PTPRB: variants seen among roughly 807,000 people sequenced by gnomAD.
The protein encoded by PTPRB is receptor-type tyrosine-protein phosphatase beta.
In PTPRB, 97 loss-of-function variants were observed where a neutral mutation model predicts 238.1. The observed-to-expected ratio is 0.41, with a 90% CI of 0.35 to 0.48. PTPRB has a LOEUF of 0.48. PTPRB is among the 20% of genes least tolerant of loss of function. The probability of loss-of-function intolerance (pLI) is 0.30; values close to 1 mark genes in which losing one functional copy is unlikely to be tolerated. For synonymous variants in PTPRB, 970 were observed against 995.4 expected (o/e 0.97, Z 0.48); for missense variants, 2,292 against 2,681.9 (o/e 0.85, Z 3.21).
Position 70,590,162 on chromosome 12 carries a change from G to A in PTPRB, c.1852C>T (p.Pro618Ser), listed in dbSNP as rs369693928. ...TACTGCTCCCAGTCTCCAGCAGGGGGCGACCAGCTCACTACAAGAGACCTC... is the reference window on the plus strand; with the variant it reads ...TACTGCTCCCAGTCTCCAGCAGGGGACGACCAGCTCACTACAAGAGACCTC... ...RMRSLVVSWS[P>S]PAGDWEQYRI... The change falls in exon 8 of 34, where the codon CCC becomes TCC. Residue 618 changes from proline to serine, a missense_variant. By Grantham distance (74) the Pro-to-Ser change is moderately conservative (BLOSUM62 -1). This residue lies in a region of PTPRB where 1,205 missense variants were observed against 1,287.8 expected (regional missense o/e 0.94). Transcript: ENST00000334414. The A allele has an allele frequency of 5.0e-6, 8 of 1,612,492 alleles. No individual in the cohort carries two copies. The African/African-American group carries it at 1.1e-4, about 22-fold the overall frequency.
Position 70,559,416 on chromosome 12 carries a change from T to C in PTPRB, c.4641A>G (p.Gln1547=). The C allele has an allele frequency of 6.2e-7, 1 of 1,613,974 alleles. No individual in the cohort carries two copies. The highest frequency in any genetic ancestry group is 1.1e-5 in the South Asian group (1 of 91,086). Reference sequence around the variant, plus strand: ...CACCACTGACAGTCTTGACGTTGAATTGATAGGATCTCCCTGGACGAAGAC... The same window carrying C: ...CACCACTGACAGTCTTGACGTTGAACTGATAGGATCTCCCTGGACGAAGAC... The part of the protein sequence containing the change: ...VYGLRPGRSY[Q]FNVKTVSGDS... The change falls in exon 18 of 34, where the codon CAA becomes CAG. Residue 1547 remains glutamine (Q), a synonymous_variant. Transcript: ENST00000334414.
chr12:70,594,803 C>T, intron 5 of PTPRB, 79 bp from the exon 6 acceptor site: 1 of 1,511,938 alleles, frequency 6.6e-7, no homozygotes, highest in South Asian at 1.2e-5. Flanking sequence ...TTAGAAGTCA[C>T]ATATTCATTT....
rs570590380 is a variant in PTPRB, at chr12:70,569,811, C to T, written c.3498G>A (p.Lys1166=). The T allele has an allele frequency of 1.2e-6, 2 of 1,613,962 alleles. No individual in the cohort carries two copies. Among genetic ancestry groups the T allele is most frequent in the East Asian group, 2.2e-5 (1 of 44,874 alleles). Residue 1166 remains lysine (K), a synonymous_variant, in exon 14 of 34, where the codon AAG becomes AAA. Transcript: ENST00000334414. ...GCTTGGGAATAGTCTGAGAGTCAAC[C>T]TTTTGACTGTGCCTGAATGCCGACA... The part of the protein sequence containing the change: ...YTVSAFRHSQ[K]VDSQTIPKHV...
intron 15 of PTPRB, among the ~76,000 whole-genome samples, chr12:70,564,518 CAAAAA>C (rs547350945): frequency 3.8e-5 from 4 of 105,996 alleles, no homozygotes; most frequent in Non-Finnish European, 5.7e-5. Flanking sequence ...GACTCCATCT[CAAAAA>C]AAAAAAAAAA....
intron 2 of PTPRB, among the ~76,000 whole-genome samples, chr12:70,624,407 T>G (rs1885082453): frequency 1.3e-5 from 2 of 152,188 alleles, no homozygotes; most frequent in Admixed American, 1.3e-4. Context: ...TTCTGAATCC[T>G]GTGCCGCTAT....
Position 70,587,064 on chromosome 12 carries a change from T to G in PTPRB, c.2254A>C (p.Thr752Pro). Residue 752 changes from threonine (T) to proline (P), a missense_variant, in exon 9 of 34, where the codon ACA becomes CCA. Around this residue, in one of 4 missense-constraint regions of PTPRB, gnomAD observed 1,205 missense variants for 1,287.8 expected, o/e 0.94. Coordinates refer to ENST00000334414, the MANE Select transcript of PTPRB (RefSeq NM_001109754.4). ...DLVPGRKYMA[T>P]VTSISGDLKN... Reference sequence around the variant, plus strand: ...AAGTCTCCACTAATACTGGTGACTGTAGCCATGTATTTTCGTCCAGGCACC... The same window carrying G: ...AAGTCTCCACTAATACTGGTGACTGGAGCCATGTATTTTCGTCCAGGCACC... 1 of 1,613,742 alleles carries G rather than the reference T, an allele frequency of 6.2e-7. No homozygotes were observed. Among genetic ancestry groups the G allele is most frequent in the Non-Finnish European group, 8.5e-7 (1 of 1,179,586 alleles).
chr12:70,558,384 TAAAA>T (rs1878012749), intron 18 of PTPRB, among the ~76,000 whole-genome samples: 2 of 152,216 alleles, frequency 1.3e-5, no homozygotes, highest in South Asian at 4.1e-4. Flanking sequence ...ATTAAAAAAA[TAAAA>T]CAACTACTTG....
At chr12:70,557,493 T>C (rs1029632400) in intron 18 of PTPRB, among the ~76,000 whole-genome samples, 1 of 152,170 alleles carries the variant, frequency 6.6e-6, no homozygotes, top group African/African-American at 2.4e-5. Context: ...TCTTGGGCAC[T>C]CCCCCTTTTG....
At chr12:70,536,232 G>T in intron 28 of PTPRB, 73 bp from the exon 29 acceptor site, 1 of 1,500,462 alleles carries the variant, frequency 6.7e-7, no homozygotes. Flanking sequence ...GAGTTCTTCA[G>T]ATTAGATGAT....
chr12:70,617,562 T>C lies in PTPRB; in HGVS notation c.708+4828A>G, dbSNP rs906468029. The stretch of plus-strand genomic sequence containing the variant: ...CAGTGAAGGGGAATTTTTTCCCATC[T>C]TTAGTTCTGGCTACAGAACAGTAGT... On this transcript the variant is annotated intron_variant, in intron 3 of 33. Coordinates refer to ENST00000334414, the MANE Select transcript of PTPRB (RefSeq NM_001109754.4). Among the ~76,000 whole-genome samples the C allele has an allele frequency of 8.0e-4, 122 of 152,336 alleles. 1 individual carries two copies. The highest frequency in any genetic ancestry group is 2.6e-4 in the Non-Finnish European group (18 of 68,034).
Position 70,626,288 on chromosome 12 carries a change from T to TATCC in PTPRB, c.452-3646_452-3643dup, listed in dbSNP as rs199901317. On this transcript the variant is annotated intron_variant, in intron 2 of 33. Coordinates refer to ENST00000334414, the MANE Select transcript of PTPRB (RefSeq NM_001109754.4). Reference sequence around the variant, plus strand: ...AGATACTTTAGAAAAGGATGATGTCTATCCATCCATCTATCTATCTATCTA... The same window carrying TATCC: ...AGATACTTTAGAAAAGGATGATGTCTATCCATCCATCCATCTATCTATCTATCTA... Among the ~76,000 whole-genome samples, 315 of 117,704 alleles carry TATCC rather than the reference T, an allele frequency of 2.7e-3. 41 individuals are homozygous for TATCC. In the East Asian group the frequency reaches 0.041, roughly 15 times the overall value. The allele number at this position is 117,704 out of a possible 152,430, so 77.2% of individuals were successfully genotyped here. A position where few individuals can be genotyped will look rare whatever the true frequency, so the allele number is the denominator to read the frequency against.
chr12:70,539,009 T>A lies in PTPRB; in HGVS notation c.5784A>T (p.Leu1928Phe). The change falls in exon 27 of 34, where the codon TTA becomes TTT. Residue 1928 changes from leucine to phenylalanine, a missense_variant. By Grantham distance (22) the Leu-to-Phe change is conservative. This residue lies in a region of PTPRB where 397 missense variants were observed against 502.0 expected (regional missense o/e 0.79). Coordinates refer to ENST00000334414, the MANE Select transcript of PTPRB (RefSeq NM_001109754.4). ...ATGACTGGTTTCGGCCCACGTCTTT[T>A]AACTCCTGTTAGGTCAAATATGAGT... ...NYLLSKEYEE[L>F]KDVGRNQSCD... The A allele has an allele frequency of 6.2e-7, 1 of 1,612,812 alleles. No homozygotes were observed. Among genetic ancestry groups the A allele is most frequent in the Non-Finnish European group, 8.5e-7 (1 of 1,179,048 alleles).
chr12:70,602,290 C>T (rs563777978), intron 4 of PTPRB, among the ~76,000 whole-genome samples: 1 of 152,154 alleles, frequency 6.6e-6, no homozygotes, highest in Non-Finnish European at 1.5e-5. Flanking sequence ...GCACTGAGGG[C>T]ACCCAGACAA....
At chr12:70,634,442 T>C (rs1320915993) in intron 2 of PTPRB, among the ~76,000 whole-genome samples, 2 of 152,182 alleles carry the variant, frequency 1.3e-5, no homozygotes, top group Non-Finnish European at 2.9e-5. Context: ...TGGGAATGTG[T>C]ATTTTTTTTT....
chr12:70,546,973 T>C (rs1045194228), intron 21 of PTPRB, among the ~76,000 whole-genome samples: 3 of 152,210 alleles, frequency 2.0e-5, no homozygotes, highest in Admixed American at 6.5e-5. Context: ...TTGCTAGTGT[T>C]AATTTCAATT....
intron 7 of PTPRB, chr12:70,591,978 C>A: frequency 2.7e-6 from 1 of 370,856 alleles, no homozygotes; most frequent in South Asian, 3.9e-5. Flanking sequence ...CTAACTGGTT[C>A]TCACTGTAAG....
At chr12:70,540,568 C>T in intron 23 of PTPRB, 2 of 329,754 alleles carry the variant, frequency 6.1e-6, no homozygotes, top group Middle Eastern at 9.3e-4. Context: ...GAACCACACA[C>T]ACACACAAAA....
chr12:70,528,260 G>T (rs929138713), intron 32 of PTPRB, among the ~76,000 whole-genome samples: 1 of 152,138 alleles, frequency 6.6e-6, no homozygotes, highest in African/African-American at 2.4e-5. Flanking sequence ...ATGACATGAA[G>T]CTGGAGGAGT....
intron 22 of PTPRB, chr12:70,541,749 CATA>C (rs1378962124): frequency 6.6e-6 from 1 of 152,206 alleles, no homozygotes; most frequent in African/African-American, 2.4e-5. Context: ...TTTCATTTAG[CATA>C]ATGTTTTCAA....
Sources: allele counts gnomAD v4.1 joint callset (sites outside exome capture counted in the v4.1 genomes callset), GRCh38; gene constraint gnomAD v4.1.1; regional missense constraint gnomAD v4.1.1; transcripts MANE v1.5; gene names NCBI Gene and HGNC (gene_info 2026-07-23, HGNC 2026-07-21).